The following RNF13 variants were observed in gnomAD, a reference collection of about 807,000 sequenced individuals.
The protein encoded by RNF13 is ring finger protein 13.
RNF13 carries 19 observed loss-of-function variants against 37.7 expected under a neutral mutation model. The observed-to-expected ratio is 0.50, with a 90% CI of 0.35 to 0.74. RNF13 has a LOEUF of 0.74. Ranked by LOEUF, RNF13 falls within the 30% of genes least tolerant of loss-of-function variation. The probability of loss-of-function intolerance (pLI) is 0.01; values close to 1 mark genes in which losing one functional copy is unlikely to be tolerated. For missense variants in RNF13, 375 were observed against 453.0 expected, an observed-to-expected ratio of 0.83 and a Z score of 1.56; for synonymous variants, 144 against 157.8, an observed-to-expected ratio of 0.91 and a Z score of 0.65.
intron 8 of RNF13, among the ~76,000 whole-genome samples, chr3:149,952,681 C>T (rs1721460314): frequency 6.6e-6 from 1 of 151,922 alleles, no homozygotes; most frequent in Non-Finnish European, 1.5e-5. Context: ...CTCATCACAA[C>T]CTCTGCCTCC....
At chr3:149,931,155 C>G (rs1448101291) in intron 8 of RNF13, among the ~76,000 whole-genome samples, 4 of 152,070 alleles carry the variant, frequency 2.6e-5, no homozygotes, top group Admixed American at 2.0e-4. Context: ...CCTCGACTTC[C>G]CAGGCTCAAC....
intron 7 of RNF13, among the ~76,000 whole-genome samples, chr3:149,914,505 A>G (rs1304614578): frequency 6.6e-6 from 1 of 152,026 alleles, no homozygotes; most frequent in East Asian, 1.9e-4. Flanking sequence ...TAGAAAACCA[A>G]AAAACAAACA....
intron 4 of RNF13, among the ~76,000 whole-genome samples, chr3:149,876,144 TA>T (rs915984955): frequency 6.6e-6 from 1 of 152,248 alleles, no homozygotes; most frequent in African/African-American, 2.4e-5. Flanking sequence ...TACTTGGGTA[TA>T]ATGGTAAGTC....
At chr3:149,813,856 G>T (rs1719155410) in intron 1 of RNF13, 1 of 152,182 alleles carries the variant, frequency 6.6e-6, no homozygotes, top group African/African-American at 2.4e-5. Context: ...AGATACTACG[G>T]TCAGTCAGCA....
At chr3:149,960,664 TAA>T in intron 9 of RNF13, 74 bp from the exon 10 acceptor site, 1 of 1,414,958 alleles carries the variant, frequency 7.1e-7, no homozygotes, top group Non-Finnish European at 9.6e-7. Context: ...GAACACTGAA[TAA>T]ATATGGCAAG....
At chr3:149,841,888 C>T (rs1201898147) in intron 1 of RNF13, among the ~76,000 whole-genome samples, 1 of 152,172 alleles carries the variant, frequency 6.6e-6, no homozygotes, top group Non-Finnish European at 1.5e-5. Flanking sequence ...CCTCGGCCTC[C>T]CAAAGTGTTA....
chr3:149,903,433 A>T (rs1716055047), intron 6 of RNF13, among the ~76,000 whole-genome samples: 2 of 152,144 alleles, frequency 1.3e-5, no homozygotes, highest in South Asian at 4.1e-4. Context: ...AAATTGAAAT[A>T]TAAAATATTT....
At chr3:149,940,163 A>T in intron 8 of RNF13, among the ~76,000 whole-genome samples, 1 of 152,086 alleles carries the variant, frequency 6.6e-6, no homozygotes, top group Non-Finnish European at 1.5e-5. Flanking sequence ...CTTTCTTAGC[A>T]TATTAATGTT....
In RNF13 at chr3:149,846,104, C is replaced by G. The variant is rs1176873746; in HGVS notation, c.78C>G (p.Phe26Leu). The change falls in exon 2 of 10, where the codon TTC (phenylalanine) becomes TTG (leucine). Residue 26 changes from phenylalanine to leucine, a missense_variant. Coordinates refer to ENST00000392894, the MANE Select transcript of RNF13 (RefSeq NM_183381.3). Reference sequence around the variant, plus strand: ...TCTTGACTGTCCAGCTCTTTGCATTCTTAAACCTACTGCCTGTAGAAGCAG... The same window carrying G: ...TCTTGACTGTCCAGCTCTTTGCATTGTTAAACCTACTGCCTGTAGAAGCAG... The part of the protein sequence containing the change: ...YTILTVQLFA[F>L]LNLLPVEADI... The G allele has an allele frequency of 1.2e-6, 2 of 1,612,980 alleles. No individual in the cohort carries two copies. The highest frequency in any genetic ancestry group is 2.7e-5 in the African/African-American group (2 of 74,974).
chr3:149,937,825 T>C (rs1279057096), intron 8 of RNF13, among the ~76,000 whole-genome samples: 2 of 152,126 alleles, frequency 1.3e-5, no homozygotes, highest in East Asian at 1.9e-4. Context: ...AAAAATAAAG[T>C]ATACTTTATG....
chr3:149,813,964 A>G (rs1288373333), intron 1 of RNF13: 2 of 152,274 alleles, frequency 1.3e-5, no homozygotes, highest in African/African-American at 2.4e-5. Context: ...GCCAAACAGC[A>G]GTATCCCGGA....
intron 7 of RNF13, among the ~76,000 whole-genome samples, chr3:149,919,902 G>A (rs1420534325): frequency 1.3e-5 from 2 of 152,118 alleles, no homozygotes; most frequent in African/African-American, 2.4e-5. Context: ...CCGTGCCAAC[G>A]CTTGGTATAG....
chr3:149,937,797 T>C (rs761864299), intron 8 of RNF13, among the ~76,000 whole-genome samples: 2 of 152,162 alleles, frequency 1.3e-5, no homozygotes, highest in Non-Finnish European at 2.9e-5. Context: ...CATGGTAATA[T>C]TGTAAGACTT....
intron 6 of RNF13, among the ~76,000 whole-genome samples, chr3:149,904,410 T>C (rs114679102): frequency 0.018 from 2,750 of 152,134 alleles, 93 homozygotes; most frequent in African/African-American, 0.062. Flanking sequence ...AGACAGGCTG[T>C]TACTCTGTTG....
intron 3 of RNF13, among the ~76,000 whole-genome samples, chr3:149,854,807 A>G (rs1473103842): frequency 2.0e-5 from 3 of 152,148 alleles, no homozygotes; most frequent in Non-Finnish European, 2.9e-5. Flanking sequence ...TCTACTTCCA[A>G]ATCCAACACT....
At chr3:149,853,465 AGAG>A (rs1723328531) in intron 3 of RNF13, among the ~76,000 whole-genome samples, 1 of 100,206 alleles carries the variant, frequency 1.0e-5, no homozygotes, top group Admixed American at 8.9e-5. Context: ...GGAGAGAGAG[AGAG>A]AGAGAGAGAG....
chr3:149,867,785 G>T (rs956837900), intron 3 of RNF13, among the ~76,000 whole-genome samples: 1 of 151,728 alleles, frequency 6.6e-6, no homozygotes, highest in Non-Finnish European at 1.5e-5. Context: ...TTTACATTTA[G>T]TGTTATTGAT....
Position 149,961,190 on chromosome 3 carries a change from G to T in RNF13, c.*86G>T, listed in dbSNP as rs1722378913. On this transcript the variant is annotated 3_prime_UTR_variant, in exon 10 of 10. Coordinates refer to ENST00000392894, the MANE Select transcript of RNF13 (RefSeq NM_183381.3). ...TTTTTTGCTCCCTTCAAAGATTTCT[G>T]TAGAAATAACTTATTTTTTAGTATT... 3.3e-6 allele frequency: 4 copies of T among 1,214,848 alleles called. No individual in the cohort carries two copies. Among genetic ancestry groups the T allele is most frequent in the South Asian group, 2.9e-5 (2 of 68,192 alleles). 75.3% of individuals were successfully genotyped at this position (1,214,848 alleles called of 1,614,324 possible).
intron 9 of RNF13, among the ~76,000 whole-genome samples, 194 bp from the exon 10 acceptor site, chr3:149,960,546 T>C (rs6778304): frequency 0.79 from 119,645 of 151,890 alleles, 47,207 homozygotes; most frequent in East Asian, 0.88. Flanking sequence ...GAGCTGAGAT[T>C]GTGCCACTGC....
Sources: gnomAD v4.1 joint callset for allele counts (sites outside exome capture counted in the v4.1 genomes callset) on GRCh38, gnomAD v4.1.1 for gene constraint, MANE v1.5 for transcripts, NCBI Gene and HGNC (gene_info 2026-07-23, HGNC 2026-07-21) for gene names.